Variants in NCOA7 observed in about 807,000 individuals in gnomAD.
NCOA7 encodes the protein nuclear receptor coactivator 7.
A neutral mutation model predicts 104.3 loss-of-function variants in NCOA7; 45 were observed. The ratio of observed to expected loss-of-function variants is 0.43; its 90% CI spans 0.34 to 0.55. NCOA7 has a LOEUF of 0.55. Among genes scored for constraint, NCOA7 ranks in the 20% least tolerant of loss-of-function variants. NCOA7 has a pLI of 0.02. For synonymous variants in NCOA7, 398 were observed against 402.3 expected (o/e 0.99, Z 0.13); for missense variants, 1,041 against 1,119.7 (o/e 0.93, Z 1.00).
At chr6:125,896,209 G>A (rs1236702293) in intron 10 of NCOA7, among the ~76,000 whole-genome samples, 1 of 151,850 alleles carries the variant, frequency 6.6e-6, no homozygotes, top group Non-Finnish European at 1.5e-5. Context: ...CCTTCAGGGA[G>A]TCTTATGAAA....
chr6:125,884,000 A>G (rs920804798), intron 7 of NCOA7, among the ~76,000 whole-genome samples: 1 of 152,168 alleles, frequency 6.6e-6, no homozygotes, highest in Admixed American at 6.5e-5. Flanking sequence ...ATTACAGGCC[A>G]GAACCACCAC....
At chr6:125,834,181 T>G (rs1351706388) in intron 2 of NCOA7, among the ~76,000 whole-genome samples, 1 of 152,204 alleles carries the variant, frequency 6.6e-6, no homozygotes, top group African/African-American at 2.4e-5. Context: ...AAATATTTGG[T>G]TTTAACCATA....
At position 125,831,708 on chromosome 6, in the gene NCOA7, C is replaced by T. The variant is rs73773303; in HGVS notation, c.50+16304C>T. On this transcript the variant is annotated intron_variant, in intron 2 of 15. Coordinates refer to ENST00000392477, the MANE Select transcript of NCOA7 (RefSeq NM_181782.5). ...TAGACCTGTTTTCTCTCTCTTACAG[C>T]TTAACTTCACCCAGTGGGCCTATTG... Among the ~76,000 whole-genome samples the T allele has an allele frequency of 7.1e-3, 1,085 of 152,284 alleles. 7 individuals are homozygous for T. The highest frequency in any genetic ancestry group is 0.025 in the African/African-American group (1,030 of 41,560).
At chr6:125,928,038 G>C in intron 14 of NCOA7, 136 bp from the exon 15 acceptor site, 1 of 841,438 alleles carries the variant, frequency 1.2e-6, no homozygotes, top group African/African-American at 1.7e-5. Context: ...GTGTGGGCCA[G>C]GTCTGGCAGT....
intron 10 of NCOA7, among the ~76,000 whole-genome samples, chr6:125,902,484 T>G (rs1785592784): frequency 2.0e-5 from 3 of 151,930 alleles, no homozygotes. Context: ...TAGCCATGTT[T>G]TTTTTTTTTT....
At chr6:125,867,014 T>C (rs1782495329) in intron 3 of NCOA7, among the ~76,000 whole-genome samples, 1 of 152,248 alleles carries the variant, frequency 6.6e-6, no homozygotes, top group Non-Finnish European at 1.5e-5. Flanking sequence ...AGATGAGATT[T>C]CCTACTTAGG....
intron 2 of NCOA7, among the ~76,000 whole-genome samples, chr6:125,843,307 A>G (rs1475443036): frequency 2.0e-5 from 3 of 152,106 alleles, no homozygotes; most frequent in Admixed American, 1.3e-4. Context: ...AAAGCAAGAA[A>G]AGAACCTCTA....
In NCOA7 at chr6:125,862,611, TTC is replaced by T. The variant is rs1171111231; in HGVS notation, c.271+7379_271+7380del. ...CTTCAGTGGACTGTTGCTGCTTTTTTTCTCTCTCTTTTTTCTGTTTTCTACAT... is the reference window on the plus strand; with the variant it reads ...CTTCAGTGGACTGTTGCTGCTTTTTTTCTCTCTTTTTTCTGTTTTCTACAT... On this transcript the variant is annotated intron_variant, in intron 3 of 15. Transcript: ENST00000392477. Among the ~76,000 whole-genome samples the T allele has an allele frequency of 3.6e-5, 5 of 138,542 alleles. 1 individual carries two copies. The highest frequency in any genetic ancestry group is 1.5e-4 in the African/African-American group (5 of 33,384). 90.9% of individuals were successfully genotyped at this position (138,542 alleles called of 152,430 possible).
intron 3 of NCOA7, among the ~76,000 whole-genome samples, chr6:125,866,927 TC>T (rs1426716313): frequency 6.6e-6 from 1 of 152,222 alleles, no homozygotes; most frequent in Admixed American, 6.5e-5. Flanking sequence ...TGGAAACTGT[TC>T]CTTTGCCATA....
intron 4 of NCOA7, among the ~76,000 whole-genome samples, chr6:125,876,355 T>A (rs1363184365): frequency 6.6e-6 from 1 of 152,224 alleles, no homozygotes; most frequent in African/African-American, 2.4e-5. Context: ...TTATATCTTA[T>A]ATTACCATTG....
At chr6:125,800,008 T>C (rs557099992) in intron 1 of NCOA7, among the ~76,000 whole-genome samples, 1 of 152,368 alleles carries the variant, frequency 6.6e-6, no homozygotes, top group East Asian at 1.9e-4. Context: ...TAATAGATTT[T>C]CATTTCTAAC....
chr6:125,859,480 A>G (rs1417091180), intron 3 of NCOA7, among the ~76,000 whole-genome samples: 1 of 152,248 alleles, frequency 6.6e-6, no homozygotes, highest in Non-Finnish European at 1.5e-5. Flanking sequence ...ACAACAAGTA[A>G]TAATGAATGT....
At chr6:125,801,635 A>G (rs1775895727) in intron 1 of NCOA7, among the ~76,000 whole-genome samples, 1 of 152,132 alleles carries the variant, frequency 6.6e-6, no homozygotes, top group African/African-American at 2.4e-5. Context: ...TGGTAGAAGA[A>G]TCCTTCCTTT....
intron 2 of NCOA7, among the ~76,000 whole-genome samples, chr6:125,841,870 A>G (rs1198872433): frequency 6.6e-6 from 1 of 152,174 alleles, no homozygotes; most frequent in African/African-American, 2.4e-5. Flanking sequence ...TGCCAAAATA[A>G]GTTTTAAAAT....
At chr6:125,892,028 CTAGAAT>C (rs1202308081) in intron 10 of NCOA7, among the ~76,000 whole-genome samples, 1 of 152,014 alleles carries the variant, frequency 6.6e-6, no homozygotes, top group Non-Finnish European at 1.5e-5. Flanking sequence ...AATTGGAGTC[CTAGAAT>C]TAGAATTTTA....
At chr6:125,884,325 C>T (rs1784088775) in intron 7 of NCOA7, among the ~76,000 whole-genome samples, 2 of 152,096 alleles carry the variant, frequency 1.3e-5, no homozygotes, top group African/African-American at 2.4e-5. Flanking sequence ...GTGCAGATAC[C>T]TGTTTGAGAT....
chr6:125,880,351 A>T (rs543141406), intron 5 of NCOA7, among the ~76,000 whole-genome samples: 14 of 151,620 alleles, frequency 9.2e-5, no homozygotes, highest in Admixed American at 7.9e-4. Flanking sequence ...CTCTCTCCTC[A>T]TTTCCCTTAT....
intron 13 of NCOA7, among the ~76,000 whole-genome samples, chr6:125,926,771 ATT>A (rs1788074239): frequency 6.6e-6 from 1 of 152,212 alleles, no homozygotes; most frequent in African/African-American, 2.4e-5. Flanking sequence ...ATGCTATGAC[ATT>A]TTCCAGATAA....
chr6:125,901,638 A>T (rs1321419602), intron 10 of NCOA7, among the ~76,000 whole-genome samples: 2 of 152,218 alleles, frequency 1.3e-5, no homozygotes, highest in Non-Finnish European at 2.9e-5. Context: ...CCCAGAGGTC[A>T]TAGGTTACAA....
Sources: allele counts gnomAD v4.1 joint callset (sites outside exome capture counted in the v4.1 genomes callset), GRCh38; gene constraint gnomAD v4.1.1; transcripts MANE v1.5; gene names NCBI Gene and HGNC (gene_info 2026-07-23, HGNC 2026-07-21).